The following ANKS1A variants were observed in gnomAD, a reference collection of about 807,000 sequenced individuals.
The protein encoded by ANKS1A is ankyrin repeat and SAM domain-containing protein 1A.
Under a neutral mutation model 120.3 loss-of-function variants are expected in ANKS1A, and 55 were observed. The observed-to-expected ratio is 0.46, with a 90% confidence interval of 0.37 to 0.57. The LOEUF is 0.57. ANKS1A is among the 20% of genes least tolerant of loss of function. The probability of loss-of-function intolerance (pLI) is 0.00; values close to 1 mark genes in which losing one functional copy is unlikely to be tolerated. For missense variants in ANKS1A, 1,123 were observed against 1,480.3 expected (o/e 0.76, Z 3.96); for synonymous variants, 590 against 604.7 (o/e 0.98, Z 0.36).
At chr6:35,021,284 CTCTGAAGGT>C (rs1774326755) in intron 11 of ANKS1A, among the ~76,000 whole-genome samples, 1 of 152,182 alleles carries the variant, frequency 6.6e-6, no homozygotes, top group Non-Finnish European at 1.5e-5. Flanking sequence ...GCTCTGAAGG[CTCTGAAGGT>C]GCTTGGGCCT....
chr6:35,000,661 T>C (rs1773118466), intron 10 of ANKS1A, among the ~76,000 whole-genome samples: 1 of 152,078 alleles, frequency 6.6e-6, no homozygotes, highest in Non-Finnish European at 1.5e-5. Context: ...AAAAATGTTA[T>C]AAAAAAATTT....
At chr6:34,962,096 C>T (rs537517447) in intron 1 of ANKS1A, among the ~76,000 whole-genome samples, 4 of 152,324 alleles carry the variant, frequency 2.6e-5, no homozygotes, top group Non-Finnish European at 4.4e-5. Flanking sequence ...ATCCATGTCA[C>T]TTGCCATCAC....
intron 11 of ANKS1A, chr6:35,023,658 G>C: frequency 2.2e-6 from 1 of 448,152 alleles, no homozygotes; most frequent in Non-Finnish European, 4.4e-6. Flanking sequence ...AGCAGCAGTG[G>C]TAGCTGTTGG....
intron 11 of ANKS1A, chr6:35,039,831 G>A (rs1322215607): frequency 6.7e-6 from 2 of 299,232 alleles, no homozygotes; most frequent in Non-Finnish European, 1.3e-5. Flanking sequence ...ACCATAGATT[G>A]AGTGGCTTAA....
chr6:35,038,367 G>A (rs994952513), intron 11 of ANKS1A: 74 of 455,188 alleles, frequency 1.6e-4, no homozygotes, highest in South Asian at 2.0e-4. Flanking sequence ...ACCGGTCCAC[G>A]ATGAAAGGAG....
intron 10 of ANKS1A, among the ~76,000 whole-genome samples, chr6:35,002,807 C>T (rs546052128): frequency 1.4e-4 from 21 of 151,994 alleles, no homozygotes; most frequent in Admixed American, 1.2e-3. Context: ...AGAATTCACT[C>T]ATTCTGTAGG....
chr6:34,998,955 G>A (rs964913605), intron 10 of ANKS1A, among the ~76,000 whole-genome samples: 2 of 152,222 alleles, frequency 1.3e-5, no homozygotes, highest in African/African-American at 2.4e-5. Flanking sequence ...CCAAAGCAAC[G>A]CGGATCCTGA....
At chr6:35,022,535 A>C (rs1162272149) in intron 11 of ANKS1A, among the ~76,000 whole-genome samples, 1 of 137,134 alleles carries the variant, frequency 7.3e-6, no homozygotes, top group Non-Finnish European at 1.7e-5. Context: ...GGTGACAAAG[A>C]AGTCATAGAG....
Position 34,889,946 on chromosome 6 carries a change from TTA to T in ANKS1A, c.197+361_197+362del, listed in dbSNP as rs766933812. ...CCAATTAAGAGCAAATATGTATATC[TTA>T]TATATATATATATGAGATCTCCCTC... On this transcript the variant is annotated intron_variant, in intron 1 of 23. Transcript: ENST00000360359. This position sits in a 1 kb window ranked among gnomAD's most constrained non-coding sequence, Gnocchi z 5.5. Among the ~76,000 whole-genome samples the T allele has an allele frequency of 1.3e-5, 1 of 78,794 alleles. No individual in the cohort carries two copies. Among genetic ancestry groups the T allele is most frequent in the Non-Finnish European group, 2.1e-5 (1 of 48,320 alleles). The allele number at this position is 78,794 out of a possible 152,430, so 51.7% of individuals were successfully genotyped here.
Position 35,082,880 on chromosome 6 carries a change from G to A in ANKS1A, c.2835+64G>A, listed in dbSNP as rs545179090. ...TGCTCCTTCTCGGCCAGGCACCTGC[G>A]GCCAAGTCCCAGCAGGGACTCCACA... On this transcript the variant is annotated intron_variant, in intron 18 of 23. Coordinates refer to ENST00000360359, the MANE Select transcript of ANKS1A (RefSeq NM_015245.3). This position sits in a 1 kb window ranked among gnomAD's most constrained non-coding sequence, Gnocchi z 4.1. 80 of 1,570,920 alleles carry A rather than the reference G, an allele frequency of 5.1e-5. No homozygotes were observed. In the South Asian group the frequency reaches 6.1e-4, roughly 12 times the overall value.
At position 35,086,475 on chromosome 6, in the gene ANKS1A, C is replaced by T. The variant is rs1777990003; in HGVS notation, c.3304-477C>T. On this transcript the variant is annotated intron_variant, in intron 22 of 23. Transcript: ENST00000360359. This position sits in a 1 kb window ranked among gnomAD's most constrained non-coding sequence, Gnocchi z 5.1. ...CTGCCTGTGTGACATTCTTTCCCCT[C>T]TTCCTGAGATGCCCTCTGCCTGTTC... The T allele has an allele frequency of 1.4e-6, 1 of 729,200 alleles. No homozygotes were observed. The highest frequency in any genetic ancestry group is 2.1e-6 in the Non-Finnish European group (1 of 479,650). 45.2% of individuals were successfully genotyped at this position (729,200 alleles called of 1,614,324 possible). A position where few individuals can be genotyped will look rare whatever the true frequency, so the allele number is the denominator to read the frequency against.
chr6:34,985,916 A>G (rs1056889799), intron 8 of ANKS1A, among the ~76,000 whole-genome samples: 2 of 152,230 alleles, frequency 1.3e-5, no homozygotes, highest in South Asian at 4.1e-4. Context: ...TCTCTAGTAC[A>G]GATGCTCCTT....
rs1040703054 is a variant in ANKS1A at position 35,091,399 on chromosome 6, T to G, written c.*2790T>G. 7.3e-5 allele frequency: 72 copies of G among 985,384 alleles called. No homozygotes were observed. The highest frequency in any genetic ancestry group is 8.2e-5 in the Non-Finnish European group (68 of 829,950). The allele number at this position is 985,384 out of a possible 1,614,324, so 61.0% of individuals were successfully genotyped here. ...CTGAATTAATAAATGAGAAGCGACA[T>G]GAACGCAGCCTTAATTCTTCTGAGT... is the stretch of plus-strand genomic sequence containing the variant. On this transcript the variant is annotated 3_prime_UTR_variant, in exon 24 of 24. Transcript: ENST00000360359.
chr6:35,077,066 G>A (rs1056955591), intron 13 of ANKS1A, among the ~76,000 whole-genome samples: 1 of 152,230 alleles, frequency 6.6e-6, no homozygotes, highest in Non-Finnish European at 1.5e-5. Flanking sequence ...ACTCCGATAA[G>A]AAATGTGCAA....
At chr6:34,914,164 G>A (rs920057330) in intron 1 of ANKS1A, among the ~76,000 whole-genome samples, 5 of 129,584 alleles carry the variant, frequency 3.9e-5, no homozygotes, top group African/African-American at 1.3e-4. Context: ...CTCGTGATCT[G>A]CCCGCCTTGG....
intron 11 of ANKS1A, among the ~76,000 whole-genome samples, chr6:35,052,484 C>T (rs1433972162): frequency 6.6e-6 from 1 of 150,948 alleles, no homozygotes; most frequent in Non-Finnish European, 1.5e-5. Context: ...AATAGCAAGG[C>T]ATGGTGGCAC....
At chr6:34,948,152 T>G (rs915939561) in intron 1 of ANKS1A, among the ~76,000 whole-genome samples, 3 of 127,974 alleles carry the variant, frequency 2.3e-5, no homozygotes, top group Admixed American at 1.5e-4. Flanking sequence ...CATTTAGGTG[T>G]TTTTTTTTTT....
At position 34,889,827 on chromosome 6, in the gene ANKS1A, G is replaced by A. The variant is rs559823642; in HGVS notation, c.197+228G>A. Among the ~76,000 whole-genome samples the A allele has an allele frequency of 6.6e-6, 1 of 152,166 alleles. No homozygotes were observed. Among genetic ancestry groups the A allele is most frequent in the Non-Finnish European group, 1.5e-5 (1 of 68,022 alleles). On this transcript the variant is annotated intron_variant, in intron 1 of 23. Coordinates refer to ENST00000360359, the MANE Select transcript of ANKS1A (RefSeq NM_015245.3). The surrounding 1 kb of genome is among the most constrained non-coding windows in gnomAD (Gnocchi z 5.5). ...CCGTTCTGACCCGGCTGCGAAGAAT[G>A]GTGGGAGTGCCCAGGTGGCAGCCTC... is the stretch of plus-strand genomic sequence containing the variant.
intron 1 of ANKS1A, among the ~76,000 whole-genome samples, chr6:34,910,134 T>G (rs1487575930): frequency 6.6e-6 from 1 of 152,176 alleles, no homozygotes; most frequent in African/African-American, 2.4e-5. Flanking sequence ...GCAAAATGAT[T>G]AGGGCCTGAA....
Sources: gnomAD v4.1 joint callset for allele counts (sites outside exome capture counted in the v4.1 genomes callset) on GRCh38, gnomAD v4.1.1 for gene constraint, Gnocchi (gnomAD v3.1) non-coding constraint, MANE v1.5 for transcripts, NCBI Gene and HGNC (gene_info 2026-07-23, HGNC 2026-07-21) for gene names.